PARD3: variants seen among roughly 807,000 people sequenced by gnomAD.
The protein encoded by PARD3 is partitioning defective 3 homolog.
In PARD3, 75 loss-of-function variants were observed where a neutral mutation model predicts 155.4. That is an observed-to-expected ratio of 0.48 (90% CI 0.40 to 0.58). PARD3 has a LOEUF of 0.58. Among genes scored for constraint, PARD3 ranks in the 20% least tolerant of loss-of-function variants. The pLI, the probability that PARD3 is intolerant of heterozygous loss-of-function variation, is 0.00. For synonymous variants in PARD3, 576 were observed against 610.5 expected (o/e 0.94, Z 0.83); for missense variants, 1,642 against 1,721.7 (o/e 0.95, Z 0.82).
chr10:34,175,853 C>G lies in PARD3; in HGVS notation c.3420-44270G>C, dbSNP rs186721655. 2.0e-5 allele frequency among the ~76,000 whole-genome samples: 3 copies of G among 152,064 alleles called. No homozygotes were observed. In the East Asian group the frequency reaches 5.8e-4, roughly 29 times the overall value. On this transcript the variant is annotated intron_variant, in intron 22 of 24. Transcript: ENST00000374788. ...ATCCCCATATGTCAGTTTATTCAAA[C>G]CCCCTTATATTGCTAAACAGAACAG...
intron 1 of PARD3, among the ~76,000 whole-genome samples, chr10:34,786,024 C>T (rs182428988): frequency 6.6e-6 from 1 of 150,810 alleles, no homozygotes; most frequent in Non-Finnish European, 1.5e-5. Flanking sequence ...CATTTCTCCC[C>T]ACCCTGCGCA....
At chr10:34,556,573 G>A (rs1487058119) in intron 2 of PARD3, among the ~76,000 whole-genome samples, 3 of 151,850 alleles carry the variant, frequency 2.0e-5, no homozygotes, top group Non-Finnish European at 2.9e-5. Flanking sequence ...TAGTGGAGAC[G>A]GGGTTTCACC....
intron 24 of PARD3, among the ~76,000 whole-genome samples, chr10:34,115,142 A>C (rs1234458035): frequency 1.3e-5 from 2 of 152,208 alleles, no homozygotes; most frequent in African/African-American, 2.4e-5. Flanking sequence ...AGAGGGAGCG[A>C]GGCTAAGAAG....
chr10:34,212,668 G>T (rs1395190343), intron 22 of PARD3, among the ~76,000 whole-genome samples: 1 of 151,870 alleles, frequency 6.6e-6, no homozygotes, highest in Admixed American at 6.6e-5. Flanking sequence ...GGGCAGGGGG[G>T]GTTCTGAGGG....
intron 5 of PARD3, among the ~76,000 whole-genome samples, chr10:34,412,212 C>A (rs1027351260): frequency 1.3e-5 from 2 of 152,092 alleles, no homozygotes; most frequent in African/African-American, 4.8e-5. Flanking sequence ...ATCTTCCCAC[C>A]TTGGCCTCTC....
At chr10:34,805,236 A>C (rs941511028) in intron 1 of PARD3, among the ~76,000 whole-genome samples, 3 of 152,146 alleles carry the variant, frequency 2.0e-5, no homozygotes, top group Non-Finnish European at 2.9e-5. Context: ...AGGCGCCTGT[A>C]ATCTCAGCTA....
chr10:34,703,372 G>C (rs958071667), intron 1 of PARD3, among the ~76,000 whole-genome samples: 3 of 151,426 alleles, frequency 2.0e-5, no homozygotes, highest in African/African-American at 7.3e-5. Flanking sequence ...CTGTGTGACA[G>C]ACACTCTGTC....
chr10:34,695,342 G>T (rs1279126378), intron 2 of PARD3, among the ~76,000 whole-genome samples: 1 of 152,024 alleles, frequency 6.6e-6, no homozygotes, highest in African/African-American at 2.4e-5. Context: ...AGGCGTGGTG[G>T]TGCACGCCTA....
intron 5 of PARD3, among the ~76,000 whole-genome samples, chr10:34,423,309 G>C (rs1287550821): frequency 6.6e-6 from 1 of 152,086 alleles, no homozygotes; most frequent in Non-Finnish European, 1.5e-5. Context: ...GTGGTTACCT[G>C]GGGTTAGGGG....
intron 22 of PARD3, among the ~76,000 whole-genome samples, chr10:34,172,521 G>A (rs960837783): frequency 6.6e-6 from 1 of 152,066 alleles, no homozygotes; most frequent in African/African-American, 2.4e-5. Flanking sequence ...GTGTTATTTA[G>A]GGACCTTTTA....
At chr10:34,646,362 A>C (rs1272920733) in intron 2 of PARD3, among the ~76,000 whole-genome samples, 1 of 152,190 alleles carries the variant, frequency 6.6e-6, no homozygotes, top group Non-Finnish European at 1.5e-5. Flanking sequence ...ATAATTTCCC[A>C]ACTGCATTTC....
In PARD3 at chr10:34,353,029, C is replaced by A. The variant is rs548952052; in HGVS notation, c.2068-4914G>T. ...CTGGGAGGTGAGGAGCGTCTCTGCC[C>A]GGCCGCCCCGTCTGAGAAGTGAGGA... is the stretch of plus-strand genomic sequence containing the variant. On this transcript the variant is annotated intron_variant, in intron 14 of 24. Coordinates refer to ENST00000374788, the MANE Select transcript of PARD3 (RefSeq NM_001184785.2). Among the ~76,000 whole-genome samples the A allele has an allele frequency of 2.6e-5, 4 of 151,226 alleles. No homozygotes were observed. The East Asian group carries it at 5.9e-4, about 22-fold the overall frequency.
chr10:34,625,898 C>T (rs759470273), intron 2 of PARD3, among the ~76,000 whole-genome samples: 2 of 152,140 alleles, frequency 1.3e-5, no homozygotes, highest in Non-Finnish European at 2.9e-5. Context: ...GCAATAAGAG[C>T]GAAACTCCAC....
chr10:34,343,593 ATATAG>A, intron 15 of PARD3: 1 of 985,342 alleles, frequency 1.0e-6, no homozygotes, highest in African/African-American at 1.7e-5. Context: ...CTTGCCAGGA[ATATAG>A]TTTTGGGTTA....
chr10:34,212,834 A>C (rs1951820607), intron 22 of PARD3, among the ~76,000 whole-genome samples: 2 of 152,204 alleles, frequency 1.3e-5, no homozygotes, highest in Non-Finnish European at 2.9e-5. Flanking sequence ...CCTTGCAAAC[A>C]TCCAGGAGAG....
chr10:34,137,016 G>A (rs1947936007), intron 22 of PARD3, among the ~76,000 whole-genome samples: 1 of 152,072 alleles, frequency 6.6e-6, no homozygotes, highest in Non-Finnish European at 1.5e-5. Flanking sequence ...GATTTAAGGT[G>A]GCCCTAATGT....
chr10:34,548,751 C>A (rs372168227), intron 2 of PARD3, among the ~76,000 whole-genome samples: 1 of 151,840 alleles, frequency 6.6e-6, no homozygotes, highest in South Asian at 2.1e-4. Context: ...AAAGGGCCAC[C>A]GAGAAGGCAG....
intron 22 of PARD3, among the ~76,000 whole-genome samples, chr10:34,138,891 T>G (rs545351832): frequency 2.0e-5 from 3 of 150,590 alleles, no homozygotes; most frequent in African/African-American, 7.3e-5. Flanking sequence ...CTTTTCCCAA[T>G]TAAAAAAAAA....
rs533991761 is a variant in PARD3 at position 34,680,987 on chromosome 10, A to T, written c.222+15331T>A. Among the ~76,000 whole-genome samples the T allele has an allele frequency of 5.0e-4, 75 of 151,362 alleles. No homozygotes were observed. In the East Asian group the frequency reaches 0.013, roughly 26 times the overall value. On this transcript the variant is annotated intron_variant, in intron 2 of 24. Coordinates refer to ENST00000374788, the MANE Select transcript of PARD3 (RefSeq NM_001184785.2). ...TACCCTAAAACTTAAAGTATAATAA[A>T]AAAAAAAAAAGAAGCTACATAACCA...
Sources: gnomAD v4.1 joint callset for allele counts (sites outside exome capture counted in the v4.1 genomes callset) on GRCh38, gnomAD v4.1.1 for gene constraint, MANE v1.5 for transcripts, NCBI Gene and HGNC (gene_info 2026-07-23, HGNC 2026-07-21) for gene names.